Variants in FAM163A observed in about 807,000 individuals in gnomAD.
FAM163A encodes the protein protein FAM163A.
A neutral mutation model predicts 12.0 loss-of-function variants in FAM163A; 7 were observed. The ratio of observed to expected loss-of-function variants is 0.58; its 90% CI spans 0.33 to 1.10. The LOEUF is 1.10. FAM163A is among the 50% of genes least tolerant of loss of function. The pLI, the probability that FAM163A is intolerant of heterozygous loss-of-function variation, is 0.03. For missense variants in FAM163A, 202 were observed against 218.6 expected (o/e 0.92, Z 0.48); for synonymous variants, 101 against 91.0 (o/e 1.11, Z -0.62).
intron 1 of FAM163A, among the ~76,000 whole-genome samples, chr1:179,792,426 T>A (rs1691654575): frequency 1.3e-5 from 2 of 152,030 alleles, no homozygotes; most frequent in South Asian, 4.1e-4. Flanking sequence ...ATTATAGGCA[T>A]GAACCACTGC....
chr1:179,764,204 A>T (rs1425583632), intron 1 of FAM163A, among the ~76,000 whole-genome samples: 2 of 152,192 alleles, frequency 1.3e-5, no homozygotes, highest in Non-Finnish European at 2.9e-5. Context: ...GACAAGGGAA[A>T]CACTAGCCAG....
chr1:179,784,312 A>C (rs1333647136), intron 1 of FAM163A, among the ~76,000 whole-genome samples: 1 of 152,206 alleles, frequency 6.6e-6, no homozygotes, highest in Non-Finnish European at 1.5e-5. Context: ...AGGAGGTAAG[A>C]GTGTAAGATG....
At chr1:179,736,419 T>C in the FAM163A span, among the ~76,000 whole-genome samples, 1 of 151,656 alleles carries the variant, frequency 6.6e-6, no homozygotes, top group Non-Finnish European at 1.5e-5. Context: ...AAATGGTATA[T>C]AAAAAAGTGT....
intron 1 of FAM163A, among the ~76,000 whole-genome samples, chr1:179,765,071 T>C (rs1000143810): frequency 6.6e-6 from 1 of 152,196 alleles, no homozygotes; most frequent in Non-Finnish European, 1.5e-5. Flanking sequence ...CCAATTTAAA[T>C]GCACTCCACA....
upstream of FAM163A, among the ~76,000 whole-genome samples, chr1:179,738,956 G>A (rs183433980): frequency 4.2e-4 from 64 of 152,272 alleles, 2 homozygotes; most frequent in East Asian, 0.01. Flanking sequence ...GTATGGTATT[G>A]GTGGAGGGAT....
At chr1:179,792,283 T>TGG (rs1553225114) in intron 1 of FAM163A, among the ~76,000 whole-genome samples, 21 of 133,566 alleles carry the variant, frequency 1.6e-4, no homozygotes, top group Admixed American at 3.1e-4. Flanking sequence ...CCATATCTGA[T>TGG]TGTGTGTGTG....
At chr1:179,755,777 C>T (rs557898723) in intron 1 of FAM163A, among the ~76,000 whole-genome samples, 2 of 152,266 alleles carry the variant, frequency 1.3e-5, no homozygotes, top group African/African-American at 4.8e-5. Flanking sequence ...TACAACCTTA[C>T]AGATGAGTGC....
At chr1:179,780,321 T>C (rs985107919) in intron 1 of FAM163A, among the ~76,000 whole-genome samples, 10 of 152,254 alleles carry the variant, frequency 6.6e-5, no homozygotes, top group South Asian at 2.1e-4. Context: ...GAATTACTGA[T>C]CTTGGCTCCC....
At chr1:179,801,129 T>C (rs573362927) in intron 1 of FAM163A, among the ~76,000 whole-genome samples, 12 of 152,126 alleles carry the variant, frequency 7.9e-5, no homozygotes, top group Non-Finnish European at 1.8e-4. Context: ...CACATCTGGA[T>C]GTATATTGGA....
At chr1:179,770,430 C>T (rs1180510692) in intron 1 of FAM163A, among the ~76,000 whole-genome samples, 1 of 152,126 alleles carries the variant, frequency 6.6e-6, no homozygotes, top group Non-Finnish European at 1.5e-5. Flanking sequence ...TCGTGTCACT[C>T]ATCCCCGTGT....
chr1:179,747,961 G>A (rs938072333), intron 1 of FAM163A, among the ~76,000 whole-genome samples: 1 of 149,120 alleles, frequency 6.7e-6, no homozygotes, highest in Non-Finnish European at 1.5e-5. Flanking sequence ...GGGGGAGGGG[G>A]AGGGGGAGGA....
the FAM163A span, among the ~76,000 whole-genome samples, chr1:179,736,667 G>A: frequency 6.6e-6 from 1 of 152,022 alleles, no homozygotes; most frequent in Non-Finnish European, 1.5e-5. Context: ...AAAAAAATTA[G>A]CCAGGCGCGG....
chr1:179,765,764 A>G (rs1460496959), intron 1 of FAM163A, among the ~76,000 whole-genome samples: 3 of 144,896 alleles, frequency 2.1e-5, no homozygotes, highest in Non-Finnish European at 4.5e-5. Flanking sequence ...TCTCACATCC[A>G]TGGTTTTGCT....
chr1:179,736,380 A>G, the FAM163A span, among the ~76,000 whole-genome samples: 1 of 152,122 alleles, frequency 6.6e-6, no homozygotes, highest in Admixed American at 6.5e-5. Context: ...CTGAATAAAC[A>G]TTTCTCCAAA....
Position 179,815,109 on chromosome 1 carries a change from G to GCGCGCGCACACACA in FAM163A, c.*921_*922insGCGCGCACACACAC, listed in dbSNP as rs1273970601. 16 of 67,236 alleles carry GCGCGCGCACACACA rather than the reference G, an allele frequency of 2.4e-4. No homozygotes were observed. The highest frequency in any genetic ancestry group is 9.5e-4 in the African/African-American group (15 of 15,782). 4.2% of individuals were successfully genotyped at this position (67,236 alleles called of 1,614,324 possible). On this transcript the variant is annotated 3_prime_UTR_variant, in exon 5 of 5. Coordinates refer to ENST00000341785, the MANE Select transcript of FAM163A (RefSeq NM_173509.3). Reference sequence around the variant, plus strand: ...CAGGTGTACGCACGCGCGCGCGCGCGCACAGACACACACACACACACACAC... The same window carrying GCGCGCGCACACACA: ...CAGGTGTACGCACGCGCGCGCGCGCGCGCGCGCACACACACACAGACACACACACACACACACAC...
chr1:179,749,384 A>G (rs1486451559), intron 1 of FAM163A, among the ~76,000 whole-genome samples: 1 of 152,230 alleles, frequency 6.6e-6, no homozygotes, highest in Admixed American at 6.5e-5. Context: ...TGGTGGCTAT[A>G]ATGAATAAAC....
chr1:179,794,662 C>T (rs1263176273), intron 1 of FAM163A, among the ~76,000 whole-genome samples: 1 of 152,174 alleles, frequency 6.6e-6, no homozygotes, highest in Non-Finnish European at 1.5e-5. Context: ...TTTGATTTAA[C>T]AAATGTGAGT....
chr1:179,753,439 G>A (rs1342697285), intron 1 of FAM163A, among the ~76,000 whole-genome samples: 1 of 152,178 alleles, frequency 6.6e-6, no homozygotes, highest in East Asian at 1.9e-4. Context: ...CTCATGTTAA[G>A]TATTCTTACC....
chr1:179,746,292 A>C (rs555674393), intron 1 of FAM163A, among the ~76,000 whole-genome samples: 1 of 152,356 alleles, frequency 6.6e-6, no homozygotes, highest in Admixed American at 6.5e-5. Context: ...ATATGGGCAC[A>C]AAGATATATG....
Sources: allele counts gnomAD v4.1 joint callset (sites outside exome capture counted in the v4.1 genomes callset), GRCh38; gene constraint gnomAD v4.1.1; transcripts MANE v1.5; gene names NCBI Gene and HGNC (gene_info 2026-07-23, HGNC 2026-07-21).